Variants in ARK2C observed in about 807,000 individuals in gnomAD.
The protein encoded by ARK2C is E3 ubiquitin-protein ligase ARK2C.
At chr18:46,401,465 T>C in the ARK2C span, among the ~76,000 whole-genome samples, 1 of 152,208 alleles carries the variant, frequency 6.6e-6, no homozygotes, top group Non-Finnish European at 1.5e-5. Context: ...TGCAAGAGCA[T>C]GAGAGCACAA....
the ARK2C span, among the ~76,000 whole-genome samples, chr18:46,434,087 G>A: frequency 6.6e-6 from 1 of 152,204 alleles, no homozygotes; most frequent in South Asian, 2.1e-4. Flanking sequence ...AGTGAAATTA[G>A]ACAATTCTAA....
chr18:46,433,645 T>C, the ARK2C span: 298 of 739,496 alleles, frequency 4.0e-4, no homozygotes, highest in African/African-American at 4.8e-3. Flanking sequence ...CCTAGACTCC[T>C]GGCTTCTCTC....
At chr18:46,379,471 G>A in the ARK2C span, among the ~76,000 whole-genome samples, 1 of 152,162 alleles carries the variant, frequency 6.6e-6, no homozygotes, top group Non-Finnish European at 1.5e-5. Flanking sequence ...TACAGATGAG[G>A]GAATAAGTCC....
the ARK2C span, among the ~76,000 whole-genome samples, chr18:46,404,709 C>T: frequency 3.8e-4 from 58 of 151,930 alleles, no homozygotes; most frequent in Non-Finnish European, 6.9e-4. Context: ...GCCGAGACCG[C>T]GCCGCCACAC....
At chr18:46,426,065 A>G in the ARK2C span, among the ~76,000 whole-genome samples, 2 of 152,024 alleles carry the variant, frequency 1.3e-5, no homozygotes, top group Non-Finnish European at 2.9e-5. Context: ...TCACCTCCCA[A>G]AGGCCCTGCC....
At chr18:46,396,895 A>T in the ARK2C span, among the ~76,000 whole-genome samples, 1 of 152,206 alleles carries the variant, frequency 6.6e-6, no homozygotes, top group Admixed American at 6.5e-5. Context: ...CTAATTGTCC[A>T]ACTGGCTCAG....
chr18:46,371,001 AC>A, the ARK2C span, among the ~76,000 whole-genome samples: 1 of 152,164 alleles, frequency 6.6e-6, no homozygotes, highest in Admixed American at 6.5e-5. Flanking sequence ...AAGAGGTTTA[AC>A]TGACTCACAG....
At chr18:46,363,945 C>CTTTTTTTTTTTTTTTTTTTTTTTT in the ARK2C span, among the ~76,000 whole-genome samples, 1 of 125,578 alleles carries the variant, frequency 8.0e-6, no homozygotes, top group Non-Finnish European at 1.7e-5. Context: ...TTTTTCTTTT[C>CTTTTTTTTTTTTTTTTTTTTTTTT]TTTTTTTTTT....
chr18:46,367,518 A>G, the ARK2C span, among the ~76,000 whole-genome samples: 3 of 152,118 alleles, frequency 2.0e-5, no homozygotes, highest in African/African-American at 7.2e-5. Context: ...GCAGGGTAGA[A>G]TTGGTTATTG....
the ARK2C span, among the ~76,000 whole-genome samples, chr18:46,392,512 G>T: frequency 6.6e-6 from 1 of 152,200 alleles, no homozygotes; most frequent in Non-Finnish European, 1.5e-5. Flanking sequence ...CACTCCAGGA[G>T]TCTCTGAAGG....
the ARK2C span, among the ~76,000 whole-genome samples, chr18:46,342,573 C>T: frequency 6.6e-6 from 1 of 152,194 alleles, no homozygotes; most frequent in East Asian, 1.9e-4. Flanking sequence ...TCCTTTCACC[C>T]TCAGATGCCG....
chr18:46,442,044 TC>T, the ARK2C span, among the ~76,000 whole-genome samples: 1 of 149,102 alleles, frequency 6.7e-6, no homozygotes, highest in Non-Finnish European at 1.5e-5. Context: ...GCGCCTGTAG[TC>T]CCAGCTACTC....
At chr18:46,348,118 C>T in the ARK2C span, among the ~76,000 whole-genome samples, 23 of 151,698 alleles carry the variant, frequency 1.5e-4, no homozygotes, top group South Asian at 2.1e-3. Flanking sequence ...TCTTAGCCTG[C>T]GGCAGACATC....
At chr18:46,404,878 A>G in the ARK2C span, among the ~76,000 whole-genome samples, 4 of 152,172 alleles carry the variant, frequency 2.6e-5, no homozygotes, top group South Asian at 8.3e-4. Flanking sequence ...AGTTGGAGAA[A>G]CAGAGGCATA....
the ARK2C span, chr18:46,450,706 G>A: frequency 6.2e-7 from 1 of 1,613,384 alleles, no homozygotes; most frequent in South Asian, 1.1e-5. Flanking sequence ...CTTTCCAGGA[G>A]CTGCTGCAGC....
At chr18:46,420,371 G>A in the ARK2C span, among the ~76,000 whole-genome samples, 1 of 152,166 alleles carries the variant, frequency 6.6e-6, no homozygotes, top group African/African-American at 2.4e-5. Context: ...GAGGAATAAA[G>A]CTACTCTCTG....
chr18:46,447,767 C>T, the ARK2C span: 1 of 1,575,274 alleles, frequency 6.3e-7, no homozygotes, highest in Non-Finnish European at 8.7e-7. Flanking sequence ...TCCCCTGTGC[C>T]CTGGCTGCTA....
the ARK2C span, among the ~76,000 whole-genome samples, chr18:46,437,567 C>G: frequency 1.6e-4 from 25 of 151,874 alleles, no homozygotes; most frequent in East Asian, 4.8e-3. Flanking sequence ...TCGTCCACCC[C>G]CTGAGGTTAC....
At chr18:46,382,939 A>G in the ARK2C span, among the ~76,000 whole-genome samples, 3 of 152,290 alleles carry the variant, frequency 2.0e-5, no homozygotes, top group African/African-American at 7.2e-5. Context: ...CCCTTATTTT[A>G]TGAAGACAAC....
Sources: gnomAD v4.1 joint callset for allele counts (sites outside exome capture counted in the v4.1 genomes callset) on GRCh38, gnomAD v4.1.1 for gene constraint, MANE v1.5 for transcripts, NCBI Gene and HGNC (gene_info 2026-07-23, HGNC 2026-07-21) for gene names.